The following PPA1 variants were observed in gnomAD, a reference collection of about 807,000 sequenced individuals.
PPA1 encodes the protein inorganic pyrophosphatase.
Under a neutral mutation model 41.8 loss-of-function variants are expected in PPA1, and 23 were observed. The ratio of observed to expected loss-of-function variants is 0.55; its 90% CI spans 0.40 to 0.78. The LOEUF (loss-of-function observed/expected upper bound fraction) is 0.78, where lower values mean the gene tolerates loss of function less well. PPA1 is among the 30% of genes least tolerant of loss of function. The probability of loss-of-function intolerance (pLI) is 0.00; values close to 1 mark genes in which losing one functional copy is unlikely to be tolerated. For missense variants in PPA1, 320 were observed against 361.6 expected (o/e 0.89, Z 0.93); for synonymous variants, 101 against 116.8 (o/e 0.86, Z 0.87).
Position 70,208,341 on chromosome 10 carries a change from CT to C in PPA1, c.725+863del, listed in dbSNP as rs553464603. On this transcript the variant is annotated intron_variant, in intron 8 of 10. Coordinates refer to ENST00000373232, the MANE Select transcript of PPA1 (RefSeq NM_021129.4). ...TTAACTTAAAAGCCAAATCTTTTTC[CT>C]TTTTTTTTTCTTTTGAGACAGGGTC... Among the ~76,000 whole-genome samples the C allele has an allele frequency of 3.1e-3, 462 of 149,342 alleles. 4 individuals carry two copies. Among genetic ancestry groups the C allele is most frequent in the East Asian group, 0.02 (105 of 5,130 alleles).
In PPA1 at chr10:70,209,543, T is replaced by G; in HGVS notation, c.639+15A>C. On this transcript the variant is annotated intron_variant, in intron 7 of 10. Transcript: ENST00000373232. ...ACAAATGAGCCTAAAGCTACAGTTC[T>G]GAATGACATATTACCTTATCTTTAA... The G allele has an allele frequency of 6.3e-7, 1 of 1,587,330 alleles. No individual in the cohort carries two copies. Among genetic ancestry groups the G allele is most frequent in the East Asian group, 2.2e-5 (1 of 44,748 alleles).
intron 4 of PPA1, among the ~76,000 whole-genome samples, chr10:70,215,783 A>G (rs1356054320): frequency 6.6e-6 from 1 of 152,178 alleles, no homozygotes; most frequent in African/African-American, 2.4e-5. Context: ...ACCCAGCCAA[A>G]AGGTTATGTT....
At position 70,217,711 on chromosome 10, in the gene PPA1, A is replaced by G. The variant is rs1840094478; in HGVS notation, c.297+101T>C. 4.6e-6 allele frequency: 5 copies of G among 1,079,462 alleles called. No homozygotes were observed. In the Admixed American group the frequency reaches 1.5e-4, roughly 32 times the overall value. The allele number at this position is 1,079,462 out of a possible 1,614,324, so 66.9% of individuals were successfully genotyped here. A position where few individuals can be genotyped will look rare whatever the true frequency, so the allele number is the denominator to read the frequency against. ...CTTATGTTTTCAAAATCTACCATAG[A>G]AAAAACTCTCCACAGGTATTCAAAC... On this transcript the variant is annotated intron_variant, in intron 4 of 10. Transcript: ENST00000373232.
intron 2 of PPA1, among the ~76,000 whole-genome samples, chr10:70,221,039 AAT>A (rs1840155095): frequency 2.9e-5 from 2 of 67,990 alleles, no homozygotes; most frequent in Non-Finnish European, 4.7e-5. Flanking sequence ...TATATATATA[AAT>A]TATATATATA....
Position 70,218,792 on chromosome 10 carries a change from A to G in PPA1, c.149T>C (p.Val50Ala). Residue 50 changes from valine (V) to alanine (A), a missense_variant, in exon 3 of 11, where the codon GTA becomes GCA. Physicochemically the swap from Val to Ala is moderately conservative, Grantham distance 64. Coordinates refer to ENST00000373232, the MANE Select transcript of PPA1 (RefSeq NM_021129.4). ...DKDVFHMVVE[V>A]PRWSNAKMEI... ...CATTTTTGCATTAGACCAGCGTGGT[A>G]CTTCAACTACCATGTGAAACACATC... 1 of 1,612,616 alleles carries G rather than the reference A, an allele frequency of 6.2e-7. No individual in the cohort carries two copies. The highest frequency in any genetic ancestry group is 8.5e-7 in the Non-Finnish European group (1 of 1,178,780).
rs373875048 is a variant in PPA1, at chr10:70,208,776, T to C, written c.725+429A>G. Among the ~76,000 whole-genome samples, 292 of 149,838 alleles carry C rather than the reference T, an allele frequency of 1.9e-3. 3 individuals carry two copies. The highest frequency in any genetic ancestry group is 5.8e-3 in the African/African-American group (238 of 41,096). On this transcript the variant is annotated intron_variant, in intron 8 of 10. Coordinates refer to ENST00000373232, the MANE Select transcript of PPA1 (RefSeq NM_021129.4). ...TTTCTGGGAGAATTATTTTTGTACA[T>C]TGGCTGTTTCTCGTACTCTTTTTTT...
chr10:70,232,619 G>A (rs1840300509), intron 1 of PPA1, among the ~76,000 whole-genome samples: 1 of 152,248 alleles, frequency 6.6e-6, no homozygotes, highest in Middle Eastern at 3.4e-3. Context: ...TTTGATTTGA[G>A]GGAAACAGCT....
intron 4 of PPA1, 37 bp from the exon 5 acceptor site, chr10:70,214,623 T>C (rs562663057): frequency 5.1e-5 from 76 of 1,490,018 alleles, no homozygotes; most frequent in East Asian, 5.0e-4. Context: ...TTCCTATACA[T>C]ACTGACAAAA....
At chr10:70,216,134 A>G (rs1170684202) in intron 4 of PPA1, among the ~76,000 whole-genome samples, 3 of 152,208 alleles carry the variant, frequency 2.0e-5, no homozygotes, top group Admixed American at 6.5e-5. Flanking sequence ...CCCACAGAAG[A>G]GTAAGTATTT....
chr10:70,206,033 C>T, intron 9 of PPA1: 1 of 503,344 alleles, frequency 2.0e-6, no homozygotes. Flanking sequence ...ACAAATCTTA[C>T]TACCATGCTA....
At chr10:70,210,143 C>G in intron 6 of PPA1, 1 of 310,526 alleles carries the variant, frequency 3.2e-6, no homozygotes, top group South Asian at 2.7e-5. Flanking sequence ...ATGCAGTGGC[C>G]CGAACAAGGC....
rs916888369 is a variant in PPA1 at position 70,204,953 on chromosome 10, C to T, written c.796-38G>A. 7 of 1,492,782 alleles carry T rather than the reference C, an allele frequency of 4.7e-6. No homozygotes were observed. In the Admixed American group the frequency reaches 1.2e-4, roughly 25 times the overall value. 92.5% of individuals were successfully genotyped at this position (1,492,782 alleles called of 1,614,324 possible). A position where few individuals can be genotyped will look rare whatever the true frequency, so the allele number is the denominator to read the frequency against. On this transcript the variant is annotated intron_variant, in intron 9 of 10. Coordinates refer to ENST00000373232, the MANE Select transcript of PPA1 (RefSeq NM_021129.4). The stretch of plus-strand genomic sequence containing the variant: ...ATATTAAAATCTATTAGTCTAATCT[C>T]ATTTTTTAAAAAGCTAAAAAGGTAT...
At chr10:70,220,444 A>ATG (rs150893453) in intron 2 of PPA1, among the ~76,000 whole-genome samples, 20 of 129,268 alleles carry the variant, frequency 1.5e-4, no homozygotes, top group Admixed American at 3.0e-4. Context: ...ATATGTATAT[A>ATG]TGTGTGTGTG....
chr10:70,206,060 T>C (rs116857998), intron 9 of PPA1: 5 of 560,350 alleles, frequency 8.9e-6, no homozygotes, highest in South Asian at 4.7e-5. Context: ...CAACTTATGA[T>C]TGATTAGAAT....
rs769083614 is a variant in PPA1 at position 70,217,941 on chromosome 10, G to T, written c.178-10C>A. The T allele has an allele frequency of 2.6e-6, 4 of 1,531,802 alleles. No homozygotes were observed. Among genetic ancestry groups the T allele is most frequent in the Non-Finnish European group, 1.8e-6 (2 of 1,131,144 alleles). 94.9% of individuals were successfully genotyped at this position (1,531,802 alleles called of 1,614,324 possible). On this transcript the variant is annotated splice_polypyrimidine_tract_variant and intron_variant, in intron 3 of 10. Transcript: ENST00000373232. ...GGTCCTTTGTAGCAATCTGAAATAA[G>T]AAAATTTCAAATCTTTGCATATTTG...
intron 2 of PPA1, 43 bp from the exon 3 acceptor site, chr10:70,218,860 T>C (rs1840105502): frequency 2.7e-6 from 4 of 1,462,430 alleles, no homozygotes; most frequent in Non-Finnish European, 3.8e-6. Context: ...AGGAGCCAAT[T>C]TGTTCTCTGA....
At chr10:70,213,379 G>C in intron 6 of PPA1, 84 bp downstream of exon 6, 1 of 1,505,840 alleles carries the variant, frequency 6.6e-7, no homozygotes, top group Non-Finnish European at 9.0e-7. Flanking sequence ...GAAGGTAAGG[G>C]CTTACAATTC....
rs1353127596 is a variant in PPA1, at chr10:70,209,614, C to A, written c.583G>T (p.Val195Phe). The stretch of plus-strand genomic sequence containing the variant: ...TCATTTTCTGGTTTTCCATCAGGAA[C>A]CTTATACCTTCTAAACCAGTCCACA... The part of the protein sequence containing the change: ...ATVDWFRRYK[V>F]PDGKPENEFA... Residue 195 changes from valine (V) to phenylalanine (F), a missense_variant, in exon 7 of 11, where the codon GTT (valine) becomes TTT (phenylalanine). Physicochemically the swap from Val to Phe is conservative, Grantham distance 50. Coordinates refer to ENST00000373232, the MANE Select transcript of PPA1 (RefSeq NM_021129.4). 5 of 1,608,490 alleles carry A rather than the reference C, an allele frequency of 3.1e-6. No homozygotes were observed. Among genetic ancestry groups the A allele is most frequent in the Admixed American group, 1.7e-5 (1 of 58,550 alleles).
chr10:70,209,570 T>C lies in PPA1; in HGVS notation c.627A>G (p.Glu209=). The C allele has an allele frequency of 1.2e-6, 2 of 1,601,984 alleles. No individual in the cohort carries two copies. The highest frequency in any genetic ancestry group is 1.7e-6 in the Non-Finnish European group (2 of 1,177,282). Reference sequence around the variant, plus strand: ...AATGACATATTACCTTATCTTTAAATTCTGCATTAAACGCAAACTCATTTT... The same window carrying C: ...AATGACATATTACCTTATCTTTAAACTCTGCATTAAACGCAAACTCATTTT... ...KPENEFAFNA[E]FKDKDFAIDI... is the part of the protein sequence containing the mutation. The change falls in exon 7 of 11, where the codon GAA becomes GAG. Residue 209 remains glutamate, a synonymous_variant. Transcript: ENST00000373232.
Sources: allele counts gnomAD v4.1 joint callset (sites outside exome capture counted in the v4.1 genomes callset), GRCh38; gene constraint gnomAD v4.1.1; transcripts MANE v1.5; gene names NCBI Gene and HGNC (gene_info 2026-07-23, HGNC 2026-07-21).